Variants in NFYB observed in about 807,000 individuals in gnomAD.
NFYB encodes nuclear transcription factor Y subunit beta.
A neutral mutation model predicts 28.0 loss-of-function variants in NFYB; 13 were observed. That is an observed-to-expected ratio of 0.46 (90% CI 0.30 to 0.74). The LOEUF is 0.74. NFYB is among the 30% of genes least tolerant of loss of function. The pLI, the probability that NFYB is intolerant of heterozygous loss-of-function variation, is 0.07. For synonymous variants in NFYB, 74 were observed against 75.0 expected (o/e 0.99, Z 0.07); for missense variants, 142 against 247.6 (o/e 0.57, Z 2.86).
At chr12:104,137,358 G>C (rs1250448474) in intron 1 of NFYB, 3 of 152,214 alleles carry the variant, frequency 2.0e-5, no homozygotes, top group African/African-American at 7.2e-5. Flanking sequence ...AGTCCAATCC[G>C]AAGGGCTTCC....
intron 1 of NFYB, among the ~76,000 whole-genome samples, chr12:104,136,361 G>C (rs928171116): frequency 3.3e-5 from 5 of 152,134 alleles, no homozygotes; most frequent in African/African-American, 7.2e-5. Flanking sequence ...ATACTGATAC[G>C]CATCCAAGCA....
intron 3 of NFYB, among the ~76,000 whole-genome samples, chr12:104,128,089 C>A (rs1208151441): frequency 1.3e-5 from 2 of 152,116 alleles, no homozygotes; most frequent in Non-Finnish European, 2.9e-5. Flanking sequence ...TTAACTCACC[C>A]TCTAAATAAT....
In NFYB at chr12:104,117,565, C is replaced by T. The variant is rs2136639330; in HGVS notation, c.*2172G>A. The T allele has an allele frequency of 6.6e-6, 1 of 152,212 alleles. No individual in the cohort carries two copies. The highest frequency in any genetic ancestry group is 1.5e-5 in the Non-Finnish European group (1 of 68,048). 9.4% of individuals were successfully genotyped at this position (152,212 alleles called of 1,614,324 possible). The stretch of plus-strand genomic sequence containing the variant: ...GGGACTACAGGTGTGCACCACCACA[C>T]CCTGCTAATTTTGTATTTTTTGTAG... On this transcript the variant is annotated 3_prime_UTR_variant, in exon 8 of 8. Coordinates refer to ENST00000240055, the MANE Select transcript of NFYB (RefSeq NM_006166.4).
At chr12:104,121,373 A>G in intron 5 of NFYB, 52 bp from the exon 6 acceptor site, 1 of 1,454,310 alleles carries the variant, frequency 6.9e-7, no homozygotes. Flanking sequence ...ATTGTCTTCC[A>G]AATGCAAATG....
chr12:104,123,553 A>G, intron 4 of NFYB, 130 bp from the exon 5 acceptor site: 3 of 688,828 alleles, frequency 4.4e-6, no homozygotes, highest in Non-Finnish European at 7.3e-6. Context: ...AATATATGTT[A>G]TAACATTAAC....
At chr12:104,128,270 T>C (rs1310151462) in intron 3 of NFYB, among the ~76,000 whole-genome samples, 154 bp downstream of exon 3, 2 of 152,216 alleles carry the variant, frequency 1.3e-5, no homozygotes, top group Non-Finnish European at 2.9e-5. Context: ...AAAAATAGCA[T>C]GGTACGCCTT....
intron 7 of NFYB, among the ~76,000 whole-genome samples, chr12:104,120,192 T>A (rs1351486483): frequency 1.3e-5 from 2 of 152,002 alleles, no homozygotes; most frequent in African/African-American, 4.8e-5. Context: ...GCAGAGGGGA[T>A]TACAGGTACA....
chr12:104,126,412 A>C (rs1026210658), intron 3 of NFYB, among the ~76,000 whole-genome samples, 168 bp from the exon 4 acceptor site: 7 of 152,122 alleles, frequency 4.6e-5, no homozygotes, highest in African/African-American at 1.7e-4. Context: ...CCAGAACTGA[A>C]CTTTTTTTTT....
At chr12:104,123,735 G>A (rs558766872) in intron 4 of NFYB, among the ~76,000 whole-genome samples, 19 of 152,232 alleles carry the variant, frequency 1.2e-4, no homozygotes, top group Non-Finnish European at 2.1e-4. Flanking sequence ...CGAGGCGGGC[G>A]GATGACCTGA....
chr12:104,134,159 G>A (rs1003345308), intron 2 of NFYB, among the ~76,000 whole-genome samples: 1 of 152,170 alleles, frequency 6.6e-6, no homozygotes, highest in South Asian at 2.1e-4. Flanking sequence ...TTCACCCAAG[G>A]TTATCCTTCT....
Position 104,128,865 on chromosome 12 carries a change from G to A in NFYB, c.7-348C>T, listed in dbSNP as rs527969688. Among the ~76,000 whole-genome samples, 3 of 151,856 alleles carry A rather than the reference G, an allele frequency of 2.0e-5. No individual in the cohort carries two copies. The South Asian group carries it at 6.3e-4, about 32-fold the overall frequency. On this transcript the variant is annotated intron_variant, in intron 2 of 7. Coordinates refer to ENST00000240055, the MANE Select transcript of NFYB (RefSeq NM_006166.4). ...GTATTTTTAGCAGAGACAGGGTTTT[G>A]CTATGTTGCCCAGGCTGGTCTGGAA...
At chr12:104,132,452 G>C (rs2030959833) in intron 2 of NFYB, among the ~76,000 whole-genome samples, 1 of 152,130 alleles carries the variant, frequency 6.6e-6, no homozygotes, top group Non-Finnish European at 1.5e-5. Context: ...AACCGACCTG[G>C]AGGGGAGCAC....
At chr12:104,137,457 C>G (rs944780067) in intron 1 of NFYB, 1 of 152,206 alleles carries the variant, frequency 6.6e-6, no homozygotes, top group Non-Finnish European at 1.5e-5. Flanking sequence ...AAGCTAAAGC[C>G]ATGCCTTCCT....
intron 3 of NFYB, among the ~76,000 whole-genome samples, chr12:104,126,749 G>A (rs2030731626): frequency 2.0e-5 from 3 of 152,060 alleles, no homozygotes; most frequent in Non-Finnish European, 4.4e-5. Context: ...CTTACAGACC[G>A]TAACCTATGG....
intron 1 of NFYB, chr12:104,137,764 C>G (rs1019188999): frequency 2.0e-5 from 3 of 147,594 alleles, no homozygotes; most frequent in African/African-American, 7.3e-5. Flanking sequence ...TCGGCCGGCT[C>G]CCCGCACAAA....
Position 104,125,824 on chromosome 12 carries a change from G to A in NFYB, c.231+290C>T, listed in dbSNP as rs146898450. On this transcript the variant is annotated intron_variant, in intron 4 of 7. Transcript: ENST00000240055. ...GATTGTACCATTGCACTCCAGCCTG[G>A]CCAATAAGAGTGAAACTCTGTCCCC... 9.6e-3 allele frequency among the ~76,000 whole-genome samples: 1,255 copies of A among 131,146 alleles called. 22 individuals carry two copies. Among genetic ancestry groups the A allele is most frequent in the African/African-American group, 0.034 (1,181 of 34,526 alleles). 86.0% of individuals were successfully genotyped at this position (131,146 alleles called of 152,430 possible).
intron 3 of NFYB, among the ~76,000 whole-genome samples, chr12:104,126,714 T>A (rs1032712055): frequency 1.3e-5 from 2 of 152,182 alleles, no homozygotes; most frequent in Non-Finnish European, 2.9e-5. Context: ...CTCATAAATA[T>A]TTATTATACG....
Position 104,127,525 on chromosome 12 carries a change from G to A in NFYB, c.100+899C>T, listed in dbSNP as rs1194290071. ...GGAGGTTGCAGTGAGCCAAGATTGT[G>A]CCACTGCACTCCAGCCTGGGCGACA... On this transcript the variant is annotated intron_variant, in intron 3 of 7. Transcript: ENST00000240055. 3.3e-5 allele frequency among the ~76,000 whole-genome samples: 5 copies of A among 149,730 alleles called. No homozygotes were observed. In the Admixed American group the frequency reaches 3.3e-4, roughly 10 times the overall value.
chr12:104,125,639 G>A (rs574184811), intron 4 of NFYB, among the ~76,000 whole-genome samples: 52 of 151,940 alleles, frequency 3.4e-4, no homozygotes, highest in Non-Finnish European at 7.2e-4. Context: ...ACCTGAGGTC[G>A]AGAGTTCAAG....
Sources: allele counts gnomAD v4.1 joint callset (sites outside exome capture counted in the v4.1 genomes callset), GRCh38; gene constraint gnomAD v4.1.1; transcripts MANE v1.5; gene names NCBI Gene and HGNC (gene_info 2026-07-23, HGNC 2026-07-21).